Variants in PCDHA13 observed in about 807,000 individuals in gnomAD.
The protein encoded by PCDHA13 is protocadherin alpha 13.
A neutral mutation model predicts 64.8 loss-of-function variants in PCDHA13; 54 were observed. That is an observed-to-expected ratio of 0.83 (90% CI 0.67 to 1.04). The LOEUF is 1.04. PCDHA13 is among the 50% of genes least tolerant of loss of function. The pLI is 0.00. For synonymous variants in PCDHA13, 587 were observed against 564.4 expected (o/e 1.04, Z -0.57); for missense variants, 1,248 against 1,254.3 (o/e 0.99, Z 0.08).
At chr5:140,979,035 G>A in intron 2 of PCDHA13, 28 bp downstream of exon 2, 1 of 1,612,986 alleles carries the variant, frequency 6.2e-7, no homozygotes, top group Non-Finnish European at 8.5e-7. Flanking sequence ...CATTCACTCA[G>A]AAGTAACCTT....
intron 1 of PCDHA13, among the ~76,000 whole-genome samples, chr5:140,908,977 A>T (rs1461491727): frequency 6.6e-6 from 1 of 152,168 alleles, no homozygotes; most frequent in Non-Finnish European, 1.5e-5. Context: ...GCCCCACTCC[A>T]CTGGACCCCT....
Position 141,009,626 on chromosome 5 carries a change from G to C in PCDHA13, c.2543-1G>C, listed in dbSNP as rs782621388. The C allele has an allele frequency of 1.9e-6, 3 of 1,612,816 alleles. No individual in the cohort carries two copies. Among genetic ancestry groups the C allele is most frequent in the Non-Finnish European group, 2.5e-6 (3 of 1,179,228 alleles). On this transcript the variant is annotated splice_acceptor_variant, in intron 3 of 3. Transcript: ENST00000289272. LOFTEE classifies it high-confidence loss of function. ...ATGATTTGTAATGTTTTGTCTTTCA[G>C]AACCAGAGGCAGGAGAAGTGTCCCC...
intron 1 of PCDHA13, chr5:140,927,567 C>A: frequency 6.2e-7 from 1 of 1,614,180 alleles, no homozygotes; most frequent in Non-Finnish European, 8.5e-7. Context: ...TTGTGGTGGA[C>A]ACAAATGACA....
chr5:140,979,033 C>T, intron 2 of PCDHA13, 26 bp downstream of exon 2: 1 of 1,613,044 alleles, frequency 6.2e-7, no homozygotes, highest in Non-Finnish European at 8.5e-7. Flanking sequence ...CTCATTCACT[C>T]AGAAGTAACC....
chr5:140,967,130 G>A (rs1554229204), intron 1 of PCDHA13: 1 of 1,612,184 alleles, frequency 6.2e-7, no homozygotes, highest in East Asian at 2.2e-5. Flanking sequence ...GCTCAGCTTG[G>A]AAGTGCTGGC....
intron 3 of PCDHA13, among the ~76,000 whole-genome samples, chr5:140,983,718 T>C (rs2097062684): frequency 6.6e-6 from 1 of 152,248 alleles, no homozygotes; most frequent in South Asian, 2.1e-4. Context: ...CTAGCACTTA[T>C]ATTCATAACA....
At chr5:141,001,953 G>C (rs55743067) in intron 3 of PCDHA13, among the ~76,000 whole-genome samples, 27 of 152,290 alleles carry the variant, frequency 1.8e-4, no homozygotes, top group Non-Finnish European at 3.5e-4. Context: ...AAGGAGGAGG[G>C]AGAGGCGGGG....
intron 3 of PCDHA13, among the ~76,000 whole-genome samples, chr5:140,996,311 G>T (rs191577867): frequency 2.6e-5 from 4 of 152,184 alleles, no homozygotes; most frequent in African/African-American, 7.2e-5. Context: ...ACAAAGTAAG[G>T]GGGGAGGGTA....
intron 1 of PCDHA13, among the ~76,000 whole-genome samples, chr5:140,896,682 C>A (rs573518532): frequency 6.6e-6 from 1 of 152,124 alleles, no homozygotes; most frequent in African/African-American, 2.4e-5. Flanking sequence ...CGGCCCTTTG[C>A]CCATTTTTTG....
intron 1 of PCDHA13, among the ~76,000 whole-genome samples, chr5:140,903,212 A>C (rs1387552422): frequency 6.6e-6 from 1 of 152,192 alleles, no homozygotes; most frequent in African/African-American, 2.4e-5. Flanking sequence ...CACCACATTC[A>C]TGCCAACATC....
chr5:141,010,802 G>A lies in PCDHA13; in HGVS notation c.*865G>A, dbSNP rs1323558356. On this transcript the variant is annotated 3_prime_UTR_variant, in exon 4 of 4. Coordinates refer to ENST00000289272, the MANE Select transcript of PCDHA13 (RefSeq NM_018904.3). ...TTATGCAAAAGCAAAAGAAAACCCC[G>A]ACACCTCACCTTTCGCTGTTTGTTG... 6.5e-6 allele frequency: 1 copy of A among 153,554 alleles called. No homozygotes were observed. The highest frequency in any genetic ancestry group is 1.5e-5 in the Non-Finnish European group (1 of 68,024). The allele number at this position is 153,554 out of a possible 1,614,324, so 9.5% of individuals were successfully genotyped here. A position where few individuals can be genotyped will look rare whatever the true frequency, so the allele number is the denominator to read the frequency against.
chr5:140,890,737 T>C (rs926717911), intron 1 of PCDHA13, among the ~76,000 whole-genome samples: 1 of 152,240 alleles, frequency 6.6e-6, no homozygotes. Flanking sequence ...TTGACTTATA[T>C]ACTATTTCTG....
chr5:141,006,282 G>A (rs2098265578), intron 3 of PCDHA13, among the ~76,000 whole-genome samples: 1 of 151,970 alleles, frequency 6.6e-6, no homozygotes, highest in Non-Finnish European at 1.5e-5. Context: ...CACGATCTCA[G>A]CTCACTGCAA....
intron 1 of PCDHA13, among the ~76,000 whole-genome samples, chr5:140,965,185 C>T (rs1348990210): frequency 6.6e-6 from 1 of 152,138 alleles, no homozygotes; most frequent in Non-Finnish European, 1.5e-5. Flanking sequence ...TTTTTTTGCA[C>T]ATGAGGCAAT....
chr5:140,887,722 T>C (rs1214089693), intron 1 of PCDHA13, among the ~76,000 whole-genome samples: 2 of 152,200 alleles, frequency 1.3e-5, no homozygotes, highest in Non-Finnish European at 2.9e-5. Context: ...AATAGTTTTT[T>C]CTTTCCTTCC....
rs782248457 is a variant in PCDHA13, at chr5:140,927,179, C to G, written c.2394+42517C>G. 8 of 1,614,050 alleles carry G rather than the reference C, an allele frequency of 5.0e-6. No individual in the cohort carries two copies. The South Asian group carries it at 8.8e-5, about 18-fold the overall frequency. ...AGGGCCAAAGCTGCCTGCGTCTTGA[C>G]CTACGACCTGGTGCTCGAGGACCCG... On this transcript the variant is annotated intron_variant, in intron 1 of 3. Transcript: ENST00000289272.
At chr5:140,985,129 G>T (rs545746675) in intron 3 of PCDHA13, among the ~76,000 whole-genome samples, 15 of 152,188 alleles carry the variant, frequency 9.9e-5, no homozygotes, top group Admixed American at 8.5e-4. Context: ...AGTAAAGACG[G>T]GGTTTCACCG....
chr5:140,928,861 A>C (rs781787998), intron 1 of PCDHA13: 3 of 1,614,164 alleles, frequency 1.9e-6, no homozygotes, highest in Non-Finnish European at 2.5e-6. Context: ...TGTGCTGTTG[A>C]GCAACTCTGT....
At chr5:140,958,953 T>A (rs1489065015) in intron 1 of PCDHA13, among the ~76,000 whole-genome samples, 2 of 144,196 alleles carry the variant, frequency 1.4e-5, no homozygotes, top group Non-Finnish European at 3.1e-5. Flanking sequence ...ATTATATTAT[T>A]ATAATTGTTC....
Sources: gnomAD v4.1 joint callset for allele counts (sites outside exome capture counted in the v4.1 genomes callset) on GRCh38, gnomAD v4.1.1 for gene constraint, MANE v1.5 for transcripts, NCBI Gene and HGNC (gene_info 2026-07-23, HGNC 2026-07-21) for gene names.